The following EPB41 variants were observed in gnomAD, a reference collection of about 807,000 sequenced individuals.
The protein encoded by EPB41 is protein 4.1.
In EPB41, 65 loss-of-function variants were observed where a neutral mutation model predicts 108.0. That is an observed-to-expected ratio of 0.60 (90% CI 0.49 to 0.74). The LOEUF (loss-of-function observed/expected upper bound fraction) is 0.74. Among genes scored for constraint, EPB41 ranks in the 30% least tolerant of loss-of-function variants. The pLI is 0.00. For synonymous variants in EPB41, 336 were observed against 358.9 expected, an observed-to-expected ratio of 0.94 and a Z score of 0.72; for missense variants, 875 against 1,037.0, an observed-to-expected ratio of 0.84 and a Z score of 2.15.
At chr1:28,977,484 G>A (rs916680146) in intron 1 of EPB41, among the ~76,000 whole-genome samples, 36 of 151,598 alleles carry the variant, frequency 2.4e-4, no homozygotes, top group African/African-American at 8.5e-4. Flanking sequence ...CAGATGGGGT[G>A]TAATTCATAG....
intron 17 of EPB41, among the ~76,000 whole-genome samples, chr1:29,104,370 G>T (rs767558613): frequency 6.6e-6 from 1 of 152,078 alleles, no homozygotes; most frequent in East Asian, 1.9e-4. Context: ...TAGTTTTTAC[G>T]TGTAGTTTTT....
chr1:28,969,994 T>C (rs1420808831), intron 1 of EPB41, among the ~76,000 whole-genome samples: 1 of 152,234 alleles, frequency 6.6e-6, no homozygotes, highest in Admixed American at 6.5e-5. Context: ...AAAATTATTG[T>C]TTACTGCTCA....
At chr1:28,960,953 G>T (rs1175631785) in intron 1 of EPB41, among the ~76,000 whole-genome samples, 2 of 148,886 alleles carry the variant, frequency 1.3e-5, no homozygotes, top group African/African-American at 5.0e-5. Flanking sequence ...AAAATCACTT[G>T]AACTCTGGAG....
At chr1:28,925,329 C>G (rs1331956828) in intron 1 of EPB41, among the ~76,000 whole-genome samples, 1 of 152,082 alleles carries the variant, frequency 6.6e-6, no homozygotes, top group African/African-American at 2.4e-5. Flanking sequence ...CCATTTTGGT[C>G]TTGAACTCCT....
At chr1:28,921,532 A>T (rs77485135) in intron 1 of EPB41, among the ~76,000 whole-genome samples, 1 of 151,958 alleles carries the variant, frequency 6.6e-6, no homozygotes, top group Non-Finnish European at 1.5e-5. Flanking sequence ...ATAGGGACAC[A>T]TGGAAGGCAG....
intron 1 of EPB41, among the ~76,000 whole-genome samples, chr1:28,946,517 A>G (rs1419755413): frequency 6.6e-6 from 1 of 152,330 alleles, no homozygotes; most frequent in East Asian, 1.9e-4. Flanking sequence ...ATAATGTGAC[A>G]ATTTTGGATA....
chr1:29,074,763 C>A (rs1422758266), intron 16 of EPB41, among the ~76,000 whole-genome samples: 1 of 152,138 alleles, frequency 6.6e-6, no homozygotes, highest in Non-Finnish European at 1.5e-5. Context: ...TAGTTTGTTC[C>A]CACATATCAG....
At chr1:29,030,341 T>G in intron 7 of EPB41, 59 bp from the exon 8 acceptor site, 1 of 1,264,330 alleles carries the variant, frequency 7.9e-7, no homozygotes, top group Non-Finnish European at 1.2e-6. Context: ...TATATAAATG[T>G]TACTGTAAAT....
chr1:29,052,806 G>A (rs1197663178), intron 11 of EPB41, among the ~76,000 whole-genome samples: 2 of 151,722 alleles, frequency 1.3e-5, no homozygotes, highest in African/African-American at 4.8e-5. Context: ...CTAAAATTAC[G>A]AGATAAATGG....
chr1:29,110,188 A>AAG (rs1275030853), intron 18 of EPB41, among the ~76,000 whole-genome samples: 9 of 151,322 alleles, frequency 5.9e-5, no homozygotes, highest in African/African-American at 2.2e-4. Flanking sequence ...AATACAAAAA[A>AAG]AAAAAAATGT....
intron 10 of EPB41, among the ~76,000 whole-genome samples, chr1:29,036,828 A>G (rs1454603906): frequency 6.6e-6 from 1 of 151,780 alleles, no homozygotes; most frequent in African/African-American, 2.4e-5. Context: ...GGTGCACACC[A>G]CCATACCTAG....
At chr1:29,008,768 A>C (rs16837840) in intron 4 of EPB41, among the ~76,000 whole-genome samples, 16,478 of 152,182 alleles carry the variant, frequency 0.11, 1,203 homozygotes, top group East Asian at 0.38. Flanking sequence ...TTTCAGTTTT[A>C]CATCTCTCCT....
chr1:28,989,983 G>A (rs1013627000), intron 2 of EPB41, among the ~76,000 whole-genome samples: 6 of 151,914 alleles, frequency 3.9e-5, no homozygotes, highest in Admixed American at 2.0e-4. Context: ...TCGGCCGGGC[G>A]CAGTGGCTCA....
chr1:29,032,989 T>A, intron 8 of EPB41, 104 bp from the exon 9 acceptor site: 1 of 1,123,990 alleles, frequency 8.9e-7, no homozygotes, highest in Non-Finnish European at 1.3e-6. Context: ...TCATTGTATG[T>A]TTTGTAACTG....
At chr1:29,009,125 T>C (rs2149879257) in intron 4 of EPB41, among the ~76,000 whole-genome samples, 1 of 151,066 alleles carries the variant, frequency 6.6e-6, no homozygotes, top group East Asian at 2.0e-4. Context: ...TAAGGACCAG[T>C]GCTAGTTTTT....
At chr1:29,082,844 C>T (rs576597615) in intron 16 of EPB41, among the ~76,000 whole-genome samples, 4 of 152,266 alleles carry the variant, frequency 2.6e-5, no homozygotes, top group African/African-American at 9.6e-5. Flanking sequence ...TTTGCTTTTA[C>T]GTTCACCTAT....
intron 8 of EPB41, among the ~76,000 whole-genome samples, chr1:29,030,989 A>C (rs2096782402): frequency 6.6e-6 from 1 of 151,798 alleles, no homozygotes; most frequent in South Asian, 2.1e-4. Flanking sequence ...CGCCTGGCTA[A>C]TTTTTGTATT....
intron 11 of EPB41, among the ~76,000 whole-genome samples, chr1:29,052,455 T>C (rs771691967): frequency 6.6e-6 from 1 of 152,230 alleles, no homozygotes; most frequent in Non-Finnish European, 1.5e-5. Context: ...TATTTTTGTT[T>C]AGGTTTGAGG....
chr1:28,907,026 C>T (rs2147966733), intron 1 of EPB41, among the ~76,000 whole-genome samples: 1 of 151,510 alleles, frequency 6.6e-6, no homozygotes, highest in South Asian at 2.1e-4. Flanking sequence ...CTGCCTCTGC[C>T]TCCCAAAGTG....
Sources: allele counts gnomAD v4.1 joint callset (sites outside exome capture counted in the v4.1 genomes callset), GRCh38; gene constraint gnomAD v4.1.1; transcripts MANE v1.5; gene names NCBI Gene and HGNC (gene_info 2026-07-23, HGNC 2026-07-21).